The following OPCML variants were observed in gnomAD, a reference collection of about 807,000 sequenced individuals.
OPCML encodes opioid binding protein/cell adhesion molecule like.
In OPCML, 13 loss-of-function variants were observed where a neutral mutation model predicts 37.8. The ratio of observed to expected loss-of-function variants is 0.34; its 90% confidence interval spans 0.22 to 0.55. The LOEUF is 0.55. OPCML is among the 20% of genes least tolerant of loss of function. The pLI, the probability that OPCML is intolerant of heterozygous loss-of-function variation, is 0.91. For missense variants in OPCML, 341 were observed against 435.6 expected (o/e 0.78, Z 1.93); for synonymous variants, 176 against 168.8 (o/e 1.04, Z -0.33).
intron 1 of OPCML, among the ~76,000 whole-genome samples, chr11:132,967,817 G>A (rs1466946461): frequency 1.3e-5 from 2 of 151,998 alleles, no homozygotes; most frequent in East Asian, 1.9e-4. Flanking sequence ...CTTGTAAGGT[G>A]GTCTGCAAGC....
chr11:133,491,463 G>GT (rs1947656347), intron 1 of OPCML, among the ~76,000 whole-genome samples: 1 of 152,156 alleles, frequency 6.6e-6, no homozygotes, highest in Non-Finnish European at 1.5e-5. Flanking sequence ...TTATTGTGTG[G>GT]TTATAGTTTG....
chr11:133,207,947 T>C (rs1047696514), intron 1 of OPCML, among the ~76,000 whole-genome samples: 1 of 152,162 alleles, frequency 6.6e-6, no homozygotes, highest in Admixed American at 6.5e-5. Context: ...ATGCTGTGTT[T>C]TTGCCTGAAA....
chr11:132,755,790 C>T (rs1396899474), intron 2 of OPCML, among the ~76,000 whole-genome samples: 1 of 152,176 alleles, frequency 6.6e-6, no homozygotes, highest in Non-Finnish European at 1.5e-5. Flanking sequence ...CAACCACCAA[C>T]AAAGCAACAA....
chr11:133,524,341 T>A (rs1200292094), intron 1 of OPCML, among the ~76,000 whole-genome samples: 1 of 152,236 alleles, frequency 6.6e-6, no homozygotes, highest in Non-Finnish European at 1.5e-5. Context: ...CTTTTCCATA[T>A]GAACATCAAC....
At chr11:133,088,468 G>A (rs1948850986) in intron 1 of OPCML, among the ~76,000 whole-genome samples, 1 of 152,206 alleles carries the variant, frequency 6.6e-6, no homozygotes, top group Non-Finnish European at 1.5e-5. Flanking sequence ...CTCAGTGACA[G>A]TCCCAGTGGA....
At chr11:133,483,619 GATAA>G (rs1398914280) in intron 1 of OPCML, among the ~76,000 whole-genome samples, 2 of 151,074 alleles carry the variant, frequency 1.3e-5, no homozygotes, top group Non-Finnish European at 3.0e-5. Flanking sequence ...TTTATAGATA[GATAA>G]ATAGATATAT....
rs1555149411 is a variant in OPCML at position 133,384,261 on chromosome 11, A to AAAAAAG, written c.61+148002_61+148003insCTTTTT. Among the ~76,000 whole-genome samples, 7 of 109,340 alleles carry AAAAAAG rather than the reference A, an allele frequency of 6.4e-5. No individual in the cohort carries two copies. The South Asian group carries it at 8.2e-4, about 13-fold the overall frequency. 71.7% of individuals were successfully genotyped at this position (109,340 alleles called of 152,430 possible). On this transcript the variant is annotated intron_variant, in intron 1 of 7. Coordinates refer to ENST00000524381, the MANE Select transcript of OPCML (RefSeq NM_001012393.5). ...AGGCCACTGTGCAAAAAAAAAAAAAAAAAAGAAAAGAAAAGAAAAGAAAAA... is the reference window on the plus strand; with the variant it reads ...AGGCCACTGTGCAAAAAAAAAAAAAAAAAAAGAAAAGAAAAGAAAAGAAAAGAAAAA...
intron 1 of OPCML, among the ~76,000 whole-genome samples, chr11:133,439,876 T>C (rs1484748612): frequency 6.6e-6 from 1 of 152,218 alleles, no homozygotes; most frequent in African/African-American, 2.4e-5. Context: ...AAGAATATTA[T>C]ATCATGACAA....
intron 4 of OPCML, among the ~76,000 whole-genome samples, chr11:132,444,470 ATAT>A (rs1565567742): frequency 5.9e-5 from 9 of 152,328 alleles, no homozygotes; most frequent in Admixed American, 3.9e-4. Flanking sequence ...AGTATGGCTC[ATAT>A]AACCTGAGTC....
At chr11:133,079,808 G>A (rs76147801) in intron 1 of OPCML, among the ~76,000 whole-genome samples, 8,666 of 152,056 alleles carry the variant, frequency 0.057, 795 homozygotes, top group African/African-American at 0.2. Flanking sequence ...TCCACCTCCC[G>A]CATCCCCCAA....
At chr11:132,906,116 A>G (rs565202606) in intron 2 of OPCML, among the ~76,000 whole-genome samples, 1 of 152,288 alleles carries the variant, frequency 6.6e-6, no homozygotes, top group South Asian at 2.1e-4. Flanking sequence ...GCCTTTCGAC[A>G]TTCTCTTTCC....
At chr11:133,125,707 GTGTATA>G (rs1565459706) in intron 1 of OPCML, among the ~76,000 whole-genome samples, 4 of 21,384 alleles carry the variant, frequency 1.9e-4, no homozygotes, top group African/African-American at 6.7e-4. Context: ...TATATATATA[GTGTATA>G]TATATGTATA....
chr11:132,704,701 G>C (rs1342227951), intron 2 of OPCML, among the ~76,000 whole-genome samples: 1 of 152,206 alleles, frequency 6.6e-6, no homozygotes, highest in Non-Finnish European at 1.5e-5. Flanking sequence ...TGGATGAACA[G>C]TAGGAAAAAC....
intron 4 of OPCML, among the ~76,000 whole-genome samples, chr11:132,450,462 G>T (rs2096065684): frequency 6.6e-6 from 1 of 152,238 alleles, no homozygotes; most frequent in South Asian, 2.1e-4. Flanking sequence ...CTCGACGGTG[G>T]TGTCTGCAGA....
intron 1 of OPCML, among the ~76,000 whole-genome samples, chr11:133,014,678 C>T (rs749602423): frequency 3.3e-5 from 5 of 152,228 alleles, no homozygotes; most frequent in Non-Finnish European, 7.3e-5. Flanking sequence ...GGGAGACAAG[C>T]TGCAAGCTTG....
chr11:133,052,874 G>A (rs1367366525), intron 1 of OPCML, among the ~76,000 whole-genome samples: 2 of 152,222 alleles, frequency 1.3e-5, no homozygotes, highest in African/African-American at 2.4e-5. Flanking sequence ...GGATGGAGAG[G>A]ATCCTAATTA....
intron 1 of OPCML, among the ~76,000 whole-genome samples, chr11:133,437,479 C>T (rs1193740151): frequency 6.6e-6 from 1 of 152,144 alleles, no homozygotes; most frequent in African/African-American, 2.4e-5. Context: ...CCACAGAAGA[C>T]AATTAGGGTC....
intron 3 of OPCML, among the ~76,000 whole-genome samples, chr11:132,638,434 C>G (rs921672644): frequency 1.3e-5 from 2 of 151,964 alleles, no homozygotes; most frequent in Non-Finnish European, 2.9e-5. Flanking sequence ...ATGACAATAG[C>G]CTTTCCCAAA....
At chr11:132,520,969 C>T (rs1432761109) in intron 4 of OPCML, among the ~76,000 whole-genome samples, 1 of 152,066 alleles carries the variant, frequency 6.6e-6, no homozygotes, top group Non-Finnish European at 1.5e-5. Flanking sequence ...TCGCCATGGT[C>T]TTCCACAATG....
Sources: gnomAD v4.1 joint callset for allele counts (sites outside exome capture counted in the v4.1 genomes callset) on GRCh38, gnomAD v4.1.1 for gene constraint, MANE v1.5 for transcripts, NCBI Gene and HGNC (gene_info 2026-07-23, HGNC 2026-07-21) for gene names.